The following FAF1 variants were observed in gnomAD, a reference collection of about 807,000 sequenced individuals.
FAF1 encodes FAS-associated factor 1.
In FAF1, 25 loss-of-function variants were observed where a neutral mutation model predicts 92.5. The ratio of observed to expected loss-of-function variants is 0.27; its 90% confidence interval spans 0.20 to 0.38. FAF1 has a LOEUF of 0.38. Ranked by LOEUF, FAF1 falls within the 10% of genes least tolerant of loss-of-function variation. FAF1 has a pLI of 1.00. For missense variants in FAF1, 636 were observed against 793.3 expected, an observed-to-expected ratio of 0.80 and a Z score of 2.38; for synonymous variants, 234 against 273.2, an observed-to-expected ratio of 0.86 and a Z score of 1.42.
chr1:50,589,088 G>A (rs1651380892), intron 9 of FAF1, among the ~76,000 whole-genome samples: 1 of 152,178 alleles, frequency 6.6e-6, no homozygotes, highest in African/African-American at 2.4e-5. Context: ...AGGAGCCAAG[G>A]GGCAAGATCA....
At chr1:50,952,124 A>C (rs1387506223) in intron 1 of FAF1, among the ~76,000 whole-genome samples, 1 of 151,996 alleles carries the variant, frequency 6.6e-6, no homozygotes, top group Non-Finnish European at 1.5e-5. Flanking sequence ...CATCTCCCTC[A>C]TCTCCCGTTT....
At chr1:50,787,972 G>A (rs374386797) in intron 4 of FAF1, 28 bp downstream of exon 4, 2 of 1,562,398 alleles carry the variant, frequency 1.3e-6, no homozygotes, top group Non-Finnish European at 1.8e-6. Context: ...ATTTATTTGT[G>A]AAGGCTTTAT....
At chr1:50,449,014 A>C (rs1646262441) in intron 18 of FAF1, among the ~76,000 whole-genome samples, 1 of 152,084 alleles carries the variant, frequency 6.6e-6, no homozygotes, top group South Asian at 2.1e-4. Flanking sequence ...GGCATAAATA[A>C]ATTTTAAAAT....
In FAF1 at chr1:50,705,830, G is replaced by T. The variant is rs763691316; in HGVS notation, c.613C>A (p.Arg205=). 6.2e-7 allele frequency: 1 copy of T among 1,612,174 alleles called. No individual in the cohort carries two copies. Among genetic ancestry groups the T allele is most frequent in the Non-Finnish European group, 8.5e-7 (1 of 1,178,610 alleles). ...MLIITHREVQ[R]EYNLNFSGSS... ...CCTGAGAAGTTCAGGTTGTACTCCCGCTGGACTTCTCGGTGGGTGATGATC... is the reference window on the plus strand; with the variant it reads ...CCTGAGAAGTTCAGGTTGTACTCCCTCTGGACTTCTCGGTGGGTGATGATC... Residue 205 remains arginine (R), a synonymous_variant, in exon 7 of 19, where the codon CGG becomes AGG. Coordinates refer to ENST00000396153, the MANE Select transcript of FAF1 (RefSeq NM_007051.3).
intron 1 of FAF1, among the ~76,000 whole-genome samples, chr1:50,872,355 G>A (rs992484722): frequency 6.6e-6 from 1 of 152,182 alleles, no homozygotes; most frequent in Non-Finnish European, 1.5e-5. Flanking sequence ...ATTAGAAGTG[G>A]AGTGTGAAGA....
intron 1 of FAF1, among the ~76,000 whole-genome samples, chr1:50,954,239 C>G (rs1465906731): frequency 1.3e-5 from 2 of 152,166 alleles, no homozygotes; most frequent in African/African-American, 4.8e-5. Flanking sequence ...GAATACTTTT[C>G]TAGCAAGGCA....
At chr1:50,876,101 A>G (rs1012031129) in intron 1 of FAF1, among the ~76,000 whole-genome samples, 5 of 152,234 alleles carry the variant, frequency 3.3e-5, no homozygotes, top group African/African-American at 1.2e-4. Flanking sequence ...ACGACTAAAA[A>G]GAGACAGTAA....
intron 1 of FAF1, among the ~76,000 whole-genome samples, chr1:50,911,282 G>A (rs939817493): frequency 6.6e-6 from 1 of 151,334 alleles, no homozygotes. Flanking sequence ...ATGTTGGCCA[G>A]GCTGTTCTGG....
chr1:50,500,315 GA>G (rs1052668543), intron 15 of FAF1, among the ~76,000 whole-genome samples: 1 of 151,412 alleles, frequency 6.6e-6, no homozygotes, highest in Non-Finnish European at 1.5e-5. Flanking sequence ...TGTAAAGACA[GA>G]AAAAAAATGG....
chr1:50,717,957 C>T (rs1658245303), intron 6 of FAF1, among the ~76,000 whole-genome samples: 3 of 151,794 alleles, frequency 2.0e-5, no homozygotes, highest in Admixed American at 2.0e-4. Flanking sequence ...GTTACATGGG[C>T]CCTATATTTT....
intron 10 of FAF1, among the ~76,000 whole-genome samples, chr1:50,584,401 C>T (rs1651128309): frequency 6.6e-6 from 1 of 151,994 alleles, no homozygotes; most frequent in Non-Finnish European, 1.5e-5. Flanking sequence ...TGTTAATCAG[C>T]CTCTAGGTTT....
chr1:50,570,754 G>A (rs1650399731), intron 12 of FAF1, among the ~76,000 whole-genome samples: 1 of 152,164 alleles, frequency 6.6e-6, no homozygotes, highest in Admixed American at 6.5e-5. Flanking sequence ...TAGTATGGAA[G>A]TGCTAGTAAA....
intron 8 of FAF1, among the ~76,000 whole-genome samples, chr1:50,632,287 C>T (rs1405468964): frequency 6.6e-6 from 1 of 152,172 alleles, no homozygotes; most frequent in Admixed American, 6.5e-5. Flanking sequence ...GAGAGTTTAG[C>T]TTACATCTAT....
rs369913122 is a variant in FAF1, at chr1:50,959,846, G to A, written c.-35C>T. ...CGAGTTCCGCGGCTCCGGGAGCGAA[G>A]CGCGCACCTGGGAGGCAGACGGCAC... is the stretch of plus-strand genomic sequence containing the variant. On this transcript the variant is annotated 5_prime_UTR_variant, in exon 1 of 19. Coordinates refer to ENST00000396153, the MANE Select transcript of FAF1 (RefSeq NM_007051.3). The A allele has an allele frequency of 1.2e-5, 18 of 1,521,256 alleles. No homozygotes were observed. The highest frequency in any genetic ancestry group is 1.4e-5 in the Non-Finnish European group (16 of 1,126,906). 94.2% of individuals were successfully genotyped at this position (1,521,256 alleles called of 1,614,324 possible).
chr1:50,662,090 A>T (rs1284679347), intron 7 of FAF1, among the ~76,000 whole-genome samples: 2 of 152,180 alleles, frequency 1.3e-5, no homozygotes, highest in African/African-American at 2.4e-5. Flanking sequence ...TCAAATCAGA[A>T]ATCAATGCTC....
intron 13 of FAF1, among the ~76,000 whole-genome samples, chr1:50,559,493 T>C (rs557481186): frequency 6.6e-6 from 1 of 152,324 alleles, no homozygotes; most frequent in African/African-American, 2.4e-5. Flanking sequence ...GAGCCCATTT[T>C]GAAACCCTAC....
intron 18 of FAF1, among the ~76,000 whole-genome samples, chr1:50,457,578 C>T (rs1646369277): frequency 1.3e-5 from 2 of 151,956 alleles, no homozygotes; most frequent in Admixed American, 1.3e-4. Context: ...ATTGTATGTA[C>T]AGCCTTCAAA....
chr1:50,856,251 T>A (rs560374957), intron 2 of FAF1, among the ~76,000 whole-genome samples: 8 of 151,912 alleles, frequency 5.3e-5, no homozygotes, highest in Admixed American at 6.6e-5. Flanking sequence ...GAGGAATTTT[T>A]AACCACCCCA....
At chr1:50,754,054 C>T (rs1016303678) in intron 4 of FAF1, among the ~76,000 whole-genome samples, 1 of 152,094 alleles carries the variant, frequency 6.6e-6, no homozygotes, top group African/African-American at 2.4e-5. Flanking sequence ...CTGTGCCCAG[C>T]CTATCTGCTC....
Sources: gnomAD v4.1 joint callset for allele counts (sites outside exome capture counted in the v4.1 genomes callset) on GRCh38, gnomAD v4.1.1 for gene constraint, MANE v1.5 for transcripts, NCBI Gene and HGNC (gene_info 2026-07-23, HGNC 2026-07-21) for gene names.